Variants in CSTPP1 observed in about 807,000 individuals in gnomAD.
CSTPP1 encodes UPF0705 protein C11orf49.
At chr11:47,151,783 C>T in the CSTPP1 span, among the ~76,000 whole-genome samples, 2 of 151,764 alleles carry the variant, frequency 1.3e-5, no homozygotes, top group Admixed American at 1.3e-4. Flanking sequence ...AGCCACATGT[C>T]CCCCAGAAAG....
the CSTPP1 span, among the ~76,000 whole-genome samples, chr11:47,098,624 G>C: frequency 1.3e-3 from 202 of 151,746 alleles, 2 homozygotes; most frequent in Middle Eastern, 3.4e-3. Flanking sequence ...TCCTGCCTCA[G>C]CCTCCTGCGT....
chr11:47,070,289 C>A, the CSTPP1 span, among the ~76,000 whole-genome samples: 2 of 151,562 alleles, frequency 1.3e-5, no homozygotes, highest in African/African-American at 4.9e-5. Context: ...AGAGAGAGAG[C>A]TGGAAGTATG....
At chr11:47,040,197 A>C in the CSTPP1 span, among the ~76,000 whole-genome samples, 1 of 128,740 alleles carries the variant, frequency 7.8e-6, no homozygotes, top group East Asian at 2.1e-4. Context: ...AATCCTGCCA[A>C]AGGGGCATAA....
At chr11:47,010,017 A>G in the CSTPP1 span, among the ~76,000 whole-genome samples, 1 of 152,228 alleles carries the variant, frequency 6.6e-6, no homozygotes, top group African/African-American at 2.4e-5. Flanking sequence ...CACAAATACA[A>G]TTAAAATAGA....
chr11:47,137,211 C>A, the CSTPP1 span: 1 of 1,180,764 alleles, frequency 8.5e-7, no homozygotes, highest in Non-Finnish European at 1.1e-6. Flanking sequence ...GTTAGTACTG[C>A]TTCCAGATAT....
the CSTPP1 span, among the ~76,000 whole-genome samples, chr11:47,163,808 C>A: frequency 6.6e-6 from 1 of 151,870 alleles, no homozygotes; most frequent in Non-Finnish European, 1.5e-5. Context: ...GCCCCCACCC[C>A]GCTAATTTTG....
chr11:47,071,278 T>C, the CSTPP1 span, among the ~76,000 whole-genome samples: 4 of 152,212 alleles, frequency 2.6e-5, no homozygotes, highest in Non-Finnish European at 5.9e-5. Flanking sequence ...TGTGAGGCAC[T>C]AAAGAGAAAG....
At chr11:47,105,449 C>T in the CSTPP1 span, among the ~76,000 whole-genome samples, 2 of 151,884 alleles carry the variant, frequency 1.3e-5, no homozygotes, top group African/African-American at 4.8e-5. Context: ...CACGGTGAGC[C>T]ATGATCATAC....
chr11:47,163,318 C>T, the CSTPP1 span, among the ~76,000 whole-genome samples: 1 of 152,156 alleles, frequency 6.6e-6, no homozygotes, highest in Admixed American at 6.5e-5. Flanking sequence ...TTACCAAGCT[C>T]CAGAGAGTCT....
chr11:47,132,759 G>A, the CSTPP1 span, among the ~76,000 whole-genome samples: 1 of 152,166 alleles, frequency 6.6e-6, no homozygotes, highest in Non-Finnish European at 1.5e-5. Context: ...CAGTCACCTG[G>A]TGTGAATAAT....
At chr11:46,976,339 C>G in the CSTPP1 span, among the ~76,000 whole-genome samples, 9 of 151,716 alleles carry the variant, frequency 5.9e-5, no homozygotes, top group African/African-American at 2.2e-4. Context: ...TTCAGTGGTC[C>G]TGCAGTGGGT....
chr11:47,083,021 T>C, the CSTPP1 span, among the ~76,000 whole-genome samples: 1 of 152,118 alleles, frequency 6.6e-6, no homozygotes. Context: ...TTTTTTCTAA[T>C]GTTCTCCCTC....
the CSTPP1 span, among the ~76,000 whole-genome samples, chr11:46,948,900 A>T: frequency 6.6e-6 from 1 of 152,182 alleles, no homozygotes; most frequent in South Asian, 2.1e-4. Context: ...CACGTCAGTT[A>T]TGTGCAGTTA....
chr11:46,994,951 A>G, the CSTPP1 span, among the ~76,000 whole-genome samples: 2 of 152,190 alleles, frequency 1.3e-5, no homozygotes, highest in Non-Finnish European at 2.9e-5. Flanking sequence ...CCTTAATTTC[A>G]GAGCCTGTTA....
chr11:47,147,767 A>T, the CSTPP1 span, among the ~76,000 whole-genome samples: 2 of 152,134 alleles, frequency 1.3e-5, no homozygotes, highest in Non-Finnish European at 2.9e-5. Context: ...TTGTAACCTG[A>T]GTCAGGTTTC....
the CSTPP1 span, among the ~76,000 whole-genome samples, chr11:47,105,502 G>GA: frequency 2.0e-5 from 3 of 151,250 alleles, no homozygotes; most frequent in African/African-American, 4.9e-5. Context: ...CTCTGTCTCT[G>GA]AAAAAAAAAT....
chr11:47,004,836 A>AT, the CSTPP1 span, among the ~76,000 whole-genome samples: 1 of 152,190 alleles, frequency 6.6e-6, no homozygotes. Context: ...ATTGCTCCTC[A>AT]TGCTGGCAGC....
the CSTPP1 span, among the ~76,000 whole-genome samples, chr11:47,050,548 A>G: frequency 1.3e-5 from 2 of 152,198 alleles, no homozygotes; most frequent in East Asian, 3.8e-4. Flanking sequence ...GGCATTTGAG[A>G]TGGTCTTTAA....
chr11:47,122,087 A>T, the CSTPP1 span, among the ~76,000 whole-genome samples: 1,143 of 72,508 alleles, frequency 0.016, 10 homozygotes, highest in Middle Eastern at 0.033. Flanking sequence ...AAAAAAAAAA[A>T]AAAAATATAT....
Sources: allele counts gnomAD v4.1 joint callset (sites outside exome capture counted in the v4.1 genomes callset), GRCh38; gene constraint gnomAD v4.1.1; transcripts MANE v1.5; gene names NCBI Gene and HGNC (gene_info 2026-07-23, HGNC 2026-07-21).